The following SAMD12 variants were observed in gnomAD, a reference collection of about 807,000 sequenced individuals.
SAMD12 encodes the protein sterile alpha motif domain containing 12.
A neutral mutation model predicts 15.0 loss-of-function variants in SAMD12; 9 were observed. The ratio of observed to expected loss-of-function variants is 0.60; its 90% confidence interval spans 0.36 to 1.05. The LOEUF is 1.05. Ranked by LOEUF, SAMD12 falls within the 50% of genes least tolerant of loss-of-function variation. SAMD12 has a pLI of 0.01. For missense variants in SAMD12, 230 were observed against 234.2 expected, an observed-to-expected ratio of 0.98 and a Z score of 0.12; for synonymous variants, 86 against 90.1, an observed-to-expected ratio of 0.96 and a Z score of 0.25.
intron 2 of SAMD12, among the ~76,000 whole-genome samples, chr8:118,516,004 G>A (rs1180817352): frequency 1.3e-5 from 2 of 152,210 alleles, no homozygotes; most frequent in African/African-American, 2.4e-5. Context: ...CTCTCCTAAA[G>A]GGTAAGCCAT....
chr8:118,260,938 T>C (rs1813062477), intron 4 of SAMD12, among the ~76,000 whole-genome samples: 1 of 152,124 alleles, frequency 6.6e-6, no homozygotes, highest in African/African-American at 2.4e-5. Flanking sequence ...CTGAAACTCT[T>C]ATCAAATTAT....
chr8:118,515,285 A>G, intron 2 of SAMD12, among the ~76,000 whole-genome samples: 1 of 142,548 alleles, frequency 7.0e-6, no homozygotes, highest in African/African-American at 2.7e-5. Context: ...CGCCCGCCTC[A>G]GCCTCCCAAT....
chr8:118,339,970 CTG>C (rs1817268730), intron 4 of SAMD12, among the ~76,000 whole-genome samples: 1 of 152,222 alleles, frequency 6.6e-6, no homozygotes, highest in Non-Finnish European at 1.5e-5. Context: ...GTTCAATAGA[CTG>C]TGAGCTCCTC....
chr8:118,262,840 T>C (rs1326282789), intron 4 of SAMD12, among the ~76,000 whole-genome samples: 1 of 152,114 alleles, frequency 6.6e-6, no homozygotes, highest in Admixed American at 6.6e-5. Flanking sequence ...AATAGGCTTC[T>C]AGAATAGAGC....
intron 2 of SAMD12, among the ~76,000 whole-genome samples, chr8:118,493,153 T>C (rs1371598371): frequency 6.6e-6 from 1 of 152,208 alleles, no homozygotes; most frequent in East Asian, 1.9e-4. Context: ...GAAAACATTA[T>C]TTTAAGCCAA....
chr8:118,384,623 T>C (rs1819849403), intron 3 of SAMD12, among the ~76,000 whole-genome samples: 1 of 152,158 alleles, frequency 6.6e-6, no homozygotes, highest in African/African-American at 2.4e-5. Flanking sequence ...AGCAAGAAAT[T>C]GAGTCACTGC....
At chr8:118,561,799 G>T (rs745870272) in intron 2 of SAMD12, among the ~76,000 whole-genome samples, 1 of 152,044 alleles carries the variant, frequency 6.6e-6, no homozygotes, top group Non-Finnish European at 1.5e-5. Flanking sequence ...AACTACCGTC[G>T]TCAATAAAAA....
At chr8:118,568,741 G>C (rs112388815) in intron 2 of SAMD12, among the ~76,000 whole-genome samples, 3 of 152,298 alleles carry the variant, frequency 2.0e-5, no homozygotes, top group African/African-American at 7.2e-5. Context: ...TATTGGAGAG[G>C]AGGAAAGCTT....
At chr8:118,444,681 C>T (rs1224859656) in intron 2 of SAMD12, among the ~76,000 whole-genome samples, 1 of 152,042 alleles carries the variant, frequency 6.6e-6, no homozygotes, top group Non-Finnish European at 1.5e-5. Context: ...AAACTTGAAG[C>T]TTTTCTGCTA....
intron 2 of SAMD12, among the ~76,000 whole-genome samples, chr8:118,464,780 T>C (rs2130947034): frequency 1.3e-5 from 2 of 152,296 alleles, no homozygotes; most frequent in South Asian, 4.1e-4. Flanking sequence ...ATTTCTAAAA[T>C]TGGGGCTAAT....
intron 2 of SAMD12, among the ~76,000 whole-genome samples, chr8:118,532,423 G>T (rs1195040068): frequency 6.6e-6 from 1 of 152,080 alleles, no homozygotes; most frequent in African/African-American, 2.4e-5. Flanking sequence ...TCTCTGCCAG[G>T]CTTTGATATC....
chr8:118,201,534 T>C (rs1819715866), intron 4 of SAMD12, among the ~76,000 whole-genome samples: 1 of 152,188 alleles, frequency 6.6e-6, no homozygotes, highest in Admixed American at 6.5e-5. Context: ...ATGCCATGTC[T>C]TATTGTTGTG....
In SAMD12 at chr8:118,432,379, C is replaced by G. The variant is rs188847387; in HGVS notation, c.322+7453G>C. 4.6e-5 allele frequency among the ~76,000 whole-genome samples: 7 copies of G among 152,124 alleles called. No individual in the cohort carries two copies. In the East Asian group the frequency reaches 1.4e-3, roughly 29 times the overall value. ...CTTGGGAGGAGGCATTTGGGGATAT[C>G]CAATAAATAGTCCACTAGAACAAAG... On this transcript the variant is annotated intron_variant, in intron 3 of 3. Coordinates refer to ENST00000314727, the MANE Select transcript of SAMD12 (RefSeq NM_207506.3).
chr8:118,540,396 T>A (rs1418476908), intron 2 of SAMD12, among the ~76,000 whole-genome samples: 2 of 152,230 alleles, frequency 1.3e-5, no homozygotes, highest in African/African-American at 4.8e-5. Context: ...CAAGGTCATC[T>A]GTAATATTGT....
At chr8:118,428,356 A>G (rs1472430134) in intron 3 of SAMD12, among the ~76,000 whole-genome samples, 1 of 152,066 alleles carries the variant, frequency 6.6e-6, no homozygotes, top group Non-Finnish European at 1.5e-5. Context: ...TTTTGTGCCA[A>G]GAGCTCAAGT....
chr8:118,491,567 T>A (rs185530643), intron 2 of SAMD12, among the ~76,000 whole-genome samples: 32 of 152,306 alleles, frequency 2.1e-4, no homozygotes, highest in African/African-American at 7.2e-4. Flanking sequence ...ATATAAAACA[T>A]CTCCATCCCC....
chr8:118,302,078 G>GTTTTTT lies in SAMD12; in HGVS notation c.433+77476_433+77481dup, dbSNP rs58076997. Among the ~76,000 whole-genome samples, 242 of 74,666 alleles carry GTTTTTT rather than the reference G, an allele frequency of 3.2e-3. 22 individuals carry two copies. Among genetic ancestry groups the GTTTTTT allele is most frequent in the African/African-American group, 0.01 (144 of 14,280 alleles). The allele number at this position is 74,666 out of a possible 152,430, so 49.0% of individuals were successfully genotyped here. ...ATTTTCTAGCGCCAGATCTTTGAGA[G>GTTTTTT]TTTTTTTTTTTTTTTTTTTTTTTTT... On this transcript the variant is annotated intron_variant, in intron 4 of 4. Coordinates refer to the SAMD12 transcript ENST00000409003.
chr8:118,154,364 C>G, the SAMD12 span, among the ~76,000 whole-genome samples: 2 of 152,274 alleles, frequency 1.3e-5, no homozygotes, highest in African/African-American at 4.8e-5. Context: ...ATGGGATGCC[C>G]TTCCAGACAG....
intron 2 of SAMD12, among the ~76,000 whole-genome samples, chr8:118,457,785 G>C (rs1295291140): frequency 6.6e-6 from 1 of 152,160 alleles, no homozygotes; most frequent in Non-Finnish European, 1.5e-5. Flanking sequence ...CCATGCTGAT[G>C]GGGCACAAAT....
Sources: gnomAD v4.1 joint callset for allele counts (sites outside exome capture counted in the v4.1 genomes callset) on GRCh38, gnomAD v4.1.1 for gene constraint, MANE v1.5 for transcripts, NCBI Gene and HGNC (gene_info 2026-07-23, HGNC 2026-07-21) for gene names.